The following PKP4 variants were observed in gnomAD, a reference collection of about 807,000 sequenced individuals.
PKP4 encodes the protein plakophilin 4.
Under a neutral mutation model 145.1 loss-of-function variants are expected in PKP4, and 90 were observed. That is an observed-to-expected ratio of 0.62 (90% confidence interval 0.52 to 0.74). The LOEUF (loss-of-function observed/expected upper bound fraction) is 0.74, where lower values mean the gene tolerates loss of function less well. Among genes scored for constraint, PKP4 ranks in the 30% least tolerant of loss-of-function variants. The probability of loss-of-function intolerance (pLI) is 0.00; values close to 1 mark genes in which losing one functional copy is unlikely to be tolerated. For synonymous variants in PKP4, 563 were observed against 577.2 expected (o/e 0.98, Z 0.35); for missense variants, 1,340 against 1,482.7 (o/e 0.90, Z 1.58).
intron 4 of PKP4, among the ~76,000 whole-genome samples, chr2:158,607,442 G>A (rs2050748984): frequency 6.6e-6 from 1 of 152,116 alleles, no homozygotes; most frequent in African/African-American, 2.4e-5. Context: ...TGGAAGATAT[G>A]AGTGATTAAA....
At chr2:158,544,330 G>C (rs1574400507) in intron 2 of PKP4, among the ~76,000 whole-genome samples, 1 of 152,152 alleles carries the variant, frequency 6.6e-6, no homozygotes, top group Non-Finnish European at 1.5e-5. Context: ...TTTGTAAAAA[G>C]GACTGTTATA....
chr2:158,465,677 G>A (rs941083602), intron 1 of PKP4, among the ~76,000 whole-genome samples: 3 of 152,024 alleles, frequency 2.0e-5, no homozygotes, highest in Admixed American at 1.3e-4. Flanking sequence ...AAAATCTCTC[G>A]TGATGTATGC....
intron 2 of PKP4, among the ~76,000 whole-genome samples, chr2:158,546,662 G>A (rs2045072034): frequency 6.6e-6 from 1 of 152,146 alleles, no homozygotes; most frequent in African/African-American, 2.4e-5. Context: ...TCAGAGGATA[G>A]AAGATAAGCA....
At chr2:158,652,738 G>A (rs931434355) in intron 11 of PKP4, among the ~76,000 whole-genome samples, 1 of 152,216 alleles carries the variant, frequency 6.6e-6, no homozygotes, top group Non-Finnish European at 1.5e-5. Flanking sequence ...TGGGGCAGGA[G>A]GTGGGGAGGA....
At chr2:158,490,101 A>G (rs943861893) in intron 1 of PKP4, among the ~76,000 whole-genome samples, 1 of 152,230 alleles carries the variant, frequency 6.6e-6, no homozygotes, top group Non-Finnish European at 1.5e-5. Context: ...TTTATTTAAA[A>G]TATTTTCAAT....
intron 7 of PKP4, among the ~76,000 whole-genome samples, chr2:158,628,938 C>T (rs1219786938): frequency 1.3e-5 from 2 of 152,126 alleles, no homozygotes; most frequent in Non-Finnish European, 1.5e-5. Context: ...GTCTGTGGCT[C>T]TGTTGGGTGT....
chr2:158,592,188 T>C (rs1451934127), intron 3 of PKP4, among the ~76,000 whole-genome samples: 1 of 152,014 alleles, frequency 6.6e-6, no homozygotes, highest in African/African-American at 2.4e-5. Context: ...ATGTGGGTGA[T>C]AGAGAAGAGT....
chr2:158,580,384 G>A (rs1427171254), intron 3 of PKP4, among the ~76,000 whole-genome samples: 1 of 152,052 alleles, frequency 6.6e-6, no homozygotes, highest in Non-Finnish European at 1.5e-5. Context: ...AAATGGGAGT[G>A]GGGTTGACCA....
chr2:158,627,286 G>T (rs2052889592), intron 7 of PKP4, among the ~76,000 whole-genome samples: 1 of 152,086 alleles, frequency 6.6e-6, no homozygotes, highest in South Asian at 2.1e-4. Context: ...GTATAGAACA[G>T]CTATGTAGAA....
chr2:158,663,534 C>A, intron 15 of PKP4, 89 bp downstream of exon 15: 3 of 1,168,080 alleles, frequency 2.6e-6, no homozygotes, highest in Non-Finnish European at 3.7e-6. Context: ...TCAGTCAGAT[C>A]AGCCCTGATG....
At chr2:158,531,732 A>G (rs1033250770) in intron 1 of PKP4, among the ~76,000 whole-genome samples, 3 of 152,112 alleles carry the variant, frequency 2.0e-5, no homozygotes, top group Admixed American at 1.3e-4. Flanking sequence ...TTTTCATCCT[A>G]CTCATCTCAT....
At chr2:158,577,231 C>T in intron 2 of PKP4, 40 bp from the exon 3 acceptor site, 1 of 1,281,702 alleles carries the variant, frequency 7.8e-7, no homozygotes, top group Non-Finnish European at 1.1e-6. Flanking sequence ...GAGCAGCATA[C>T]CTTGGCGCCT....
intron 1 of PKP4, among the ~76,000 whole-genome samples, chr2:158,512,974 GTT>G (rs1440909530): frequency 6.6e-6 from 1 of 152,212 alleles, no homozygotes; most frequent in Admixed American, 6.5e-5. Flanking sequence ...TGCAAGAAGA[GTT>G]CATCTCAGGA....
chr2:158,569,896 G>A (rs992405737), intron 2 of PKP4, among the ~76,000 whole-genome samples: 6 of 152,066 alleles, frequency 3.9e-5, no homozygotes, highest in East Asian at 1.9e-4. Context: ...TACTTGACCC[G>A]GAACCCTTCC....
chr2:158,664,031 A>G (rs1464890971), intron 15 of PKP4, among the ~76,000 whole-genome samples: 1 of 152,210 alleles, frequency 6.6e-6, no homozygotes, highest in African/African-American at 2.4e-5. Flanking sequence ...AAACTTCAGG[A>G]GCTGAATCCT....
rs576684850 is a variant in PKP4 at position 158,618,960 on chromosome 2, C to T, written c.281-2030C>T. 9.9e-5 allele frequency among the ~76,000 whole-genome samples: 15 copies of T among 152,242 alleles called. No individual in the cohort carries two copies. In the South Asian group the frequency reaches 3.1e-3, roughly 32 times the overall value. Reference sequence around the variant, plus strand: ...CATCTTTTTCTTTTCCAAGACAGAACATTTTTCCATGTATGTGAAGCCTTG... The same window carrying T: ...CATCTTTTTCTTTTCCAAGACAGAATATTTTTCCATGTATGTGAAGCCTTG... On this transcript the variant is annotated intron_variant, in intron 4 of 21. Coordinates refer to ENST00000389759, the MANE Select transcript of PKP4 (RefSeq NM_003628.6).
At chr2:158,536,973 T>C in intron 2 of PKP4, among the ~76,000 whole-genome samples, 1 of 152,220 alleles carries the variant, frequency 6.6e-6, no homozygotes, top group East Asian at 1.9e-4. Flanking sequence ...GGCCTTGTTT[T>C]ATACCTGTGT....
chr2:158,680,492 T>TG lies in PKP4; in HGVS notation c.3394_3395insG (p.Tyr1132Ter). The change falls in exon 22 of 22, where the codon TAT becomes TGAT. Residue 1132 changes from tyrosine to a stop codon, truncating the protein, a stop_gained and frameshift_variant. Transcript: ENST00000389759. LOFTEE classifies it high-confidence loss of function. ...AAAGAACTTTGATGCATACAGATTGTATTTGCAGTCTCCTCATAGCTATGA... is the reference window on the plus strand; with the variant it reads ...AAAGAACTTTGATGCATACAGATTGTGATTTGCAGTCTCCTCATAGCTATGA... The part of the protein sequence containing the change: ...NRKNFDAYRL[Y>*]LQSPHSYEDP... 6.2e-7 allele frequency: 1 copy of TG among 1,613,262 alleles called. No homozygotes were observed. The highest frequency in any genetic ancestry group is 8.5e-7 in the Non-Finnish European group (1 of 1,179,190).
intron 12 of PKP4, 45 bp from the exon 13 acceptor site, chr2:158,661,288 G>C (rs1475504130): frequency 2.9e-6 from 4 of 1,392,016 alleles, no homozygotes; most frequent in Non-Finnish European, 4.1e-6. Context: ...TGGCTGATGA[G>C]TGCATGGTTC....
Sources: gnomAD v4.1 joint callset for allele counts (sites outside exome capture counted in the v4.1 genomes callset) on GRCh38, gnomAD v4.1.1 for gene constraint, MANE v1.5 for transcripts, NCBI Gene and HGNC (gene_info 2026-07-23, HGNC 2026-07-21) for gene names.